The following FRK variants were observed in gnomAD, a reference collection of about 807,000 sequenced individuals.
FRK encodes tyrosine-protein kinase FRK.
Under a neutral mutation model 56.4 loss-of-function variants are expected in FRK, and 51 were observed. The observed-to-expected ratio is 0.90, with a 90% CI of 0.72 to 1.14. FRK has a LOEUF of 1.14. FRK is among the 50% of genes most tolerant of loss of function. The probability of loss-of-function intolerance (pLI) is 0.00; values close to 1 mark genes in which losing one functional copy is unlikely to be tolerated. For synonymous variants in FRK, 245 were observed against 217.9 expected (o/e 1.12, Z -1.10); for missense variants, 570 against 601.4 (o/e 0.95, Z 0.55).
intron 1 of FRK, among the ~76,000 whole-genome samples, chr6:116,045,325 T>C (rs1158790685): frequency 6.6e-6 from 1 of 152,192 alleles, no homozygotes; most frequent in East Asian, 1.9e-4. Context: ...GCCACCTGAC[T>C]TCAAACTATA....
rs551929738 is a variant in FRK at position 115,932,075 on chromosome 6, T to G, written c.*10339A>C. On this transcript the variant is annotated 3_prime_UTR_variant, in exon 8 of 8. Coordinates refer to ENST00000606080, the MANE Select transcript of FRK (RefSeq NM_002031.3). ...TAAATGGAAATAATTGGGCATCTCT[T>G]TTCTTGTAATTTAATCTTATAACAT... 6.6e-6 allele frequency: 1 copy of G among 152,330 alleles called. No homozygotes were observed. Among genetic ancestry groups the G allele is most frequent in the South Asian group, 2.1e-4 (1 of 4,832 alleles). 9.4% of individuals were successfully genotyped at this position (152,330 alleles called of 1,614,324 possible).
At chr6:116,024,057 TACACACACACACACAC>T (rs55922355) in intron 1 of FRK, among the ~76,000 whole-genome samples, 13 of 136,590 alleles carry the variant, frequency 9.5e-5, no homozygotes, top group South Asian at 2.6e-4. Flanking sequence ...CCTGAGAACT[TACACACACACACACAC>T]ACACACACAC....
chr6:115,966,103 T>G (rs1314395947), intron 4 of FRK, among the ~76,000 whole-genome samples: 3 of 149,906 alleles, frequency 2.0e-5, no homozygotes, highest in Non-Finnish European at 4.5e-5. Context: ...GAAGTATTTA[T>G]CTTAACAATT....
chr6:116,039,683 T>G (rs768023009), intron 1 of FRK, among the ~76,000 whole-genome samples: 33 of 152,250 alleles, frequency 2.2e-4, no homozygotes, highest in Non-Finnish European at 4.1e-4. Context: ...GGCCACTCCC[T>G]TCTCCACTTA....
intron 1 of FRK, among the ~76,000 whole-genome samples, chr6:116,031,688 T>C (rs951532035): frequency 3.3e-5 from 5 of 152,228 alleles, no homozygotes; most frequent in African/African-American, 1.2e-4. Context: ...ACCCCAAGTC[T>C]GACATCAAAA....
intron 2 of FRK, among the ~76,000 whole-genome samples, chr6:115,999,114 A>G (rs1383509709): frequency 6.6e-6 from 1 of 152,224 alleles, no homozygotes; most frequent in Admixed American, 6.5e-5. Flanking sequence ...GTAAATTAAT[A>G]TTAATGGTAA....
chr6:116,086,044 C>T, the FRK span, among the ~76,000 whole-genome samples: 4 of 150,804 alleles, frequency 2.7e-5, no homozygotes, highest in African/African-American at 4.9e-5. Context: ...CTCACACTGT[C>T]GCCCAGGCTG....
chr6:115,956,880 A>G (rs564002371), intron 4 of FRK, among the ~76,000 whole-genome samples: 1 of 152,312 alleles, frequency 6.6e-6, no homozygotes, highest in African/African-American at 2.4e-5. Flanking sequence ...AATGAAGGAA[A>G]AAGGAGAGAC....
intron 1 of FRK, among the ~76,000 whole-genome samples, chr6:116,015,006 A>G (rs1775599866): frequency 6.6e-6 from 1 of 152,102 alleles, no homozygotes; most frequent in Admixed American, 6.6e-5. Flanking sequence ...AACTCTTTCA[A>G]TAAGGCCAAG....
At chr6:116,023,870 G>A (rs1245015168) in intron 1 of FRK, among the ~76,000 whole-genome samples, 1 of 151,918 alleles carries the variant, frequency 6.6e-6, no homozygotes, top group Non-Finnish European at 1.5e-5. Context: ...TTATTTTACT[G>A]TGTGTAAACT....
At chr6:116,045,837 T>C (rs1039590142) in intron 1 of FRK, among the ~76,000 whole-genome samples, 6 of 152,062 alleles carry the variant, frequency 3.9e-5, no homozygotes, top group African/African-American at 1.5e-4. Flanking sequence ...AAAGAAACTA[T>C]CATCAGAGTA....
chr6:116,026,117 C>A (rs1776079109), intron 1 of FRK, among the ~76,000 whole-genome samples: 1 of 152,108 alleles, frequency 6.6e-6, no homozygotes, highest in African/African-American at 2.4e-5. Context: ...GAGTAATCTA[C>A]CAATAACTCA....
rs546985708 is a variant in FRK, at chr6:115,958,275, C to T, written c.800-1665G>A. ...AAATATAATATAGTGGGGAATCCCC[C>T]CACTACCACCCCCCCCAAAAAAGAA... On this transcript the variant is annotated intron_variant, in intron 4 of 7. Coordinates refer to ENST00000606080, the MANE Select transcript of FRK (RefSeq NM_002031.3). 4.5e-3 allele frequency among the ~76,000 whole-genome samples: 130 copies of T among 29,118 alleles called. 2 individuals are homozygous for T. The South Asian group carries it at 0.14, about 31-fold the overall frequency. 19.1% of individuals were successfully genotyped at this position (29,118 alleles called of 152,430 possible). A position where few individuals can be genotyped will look rare whatever the true frequency, so the allele number is the denominator to read the frequency against.
At chr6:116,085,473 CAAGT>C in the FRK span, among the ~76,000 whole-genome samples, 1 of 152,106 alleles carries the variant, frequency 6.6e-6, no homozygotes. Context: ...AGAAAAGGTT[CAAGT>C]AAGAAAGCAA....
intron 2 of FRK, among the ~76,000 whole-genome samples, chr6:116,000,969 G>A (rs1021439374): frequency 6.6e-6 from 1 of 152,148 alleles, no homozygotes; most frequent in Non-Finnish European, 1.5e-5. Flanking sequence ...GCCGGGCGTG[G>A]TGGTTCACGC....
At chr6:115,946,003 T>C (rs536160) in intron 5 of FRK, among the ~76,000 whole-genome samples, 92,508 of 151,910 alleles carry the variant, frequency 0.61, 28,569 homozygotes, top group East Asian at 0.84. Context: ...TGACTCCTTC[T>C]ACTTTGAAAT....
intron 1 of FRK, among the ~76,000 whole-genome samples, chr6:116,035,464 A>G (rs1187958267): frequency 6.6e-6 from 1 of 152,098 alleles, no homozygotes; most frequent in Admixed American, 6.6e-5. Flanking sequence ...CATTACTCAC[A>G]TCTACATATC....
intron 4 of FRK, among the ~76,000 whole-genome samples, chr6:115,959,839 A>C (rs984549080): frequency 6.6e-6 from 1 of 152,202 alleles, no homozygotes; most frequent in African/African-American, 2.4e-5. Flanking sequence ...GCCAGGTTTA[A>C]ACACAGATTT....
chr6:115,976,597 T>C (rs546066701), intron 2 of FRK, among the ~76,000 whole-genome samples: 1 of 152,162 alleles, frequency 6.6e-6, no homozygotes, highest in Admixed American at 6.6e-5. Flanking sequence ...TACTGACTGA[T>C]AATAATCTCT....
Sources: allele counts gnomAD v4.1 joint callset (sites outside exome capture counted in the v4.1 genomes callset), GRCh38; gene constraint gnomAD v4.1.1; transcripts MANE v1.5; gene names NCBI Gene and HGNC (gene_info 2026-07-23, HGNC 2026-07-21).